The following MRAP variants were observed in gnomAD, a reference collection of about 807,000 sequenced individuals.
The protein encoded by MRAP is melanocortin 2 receptor accessory protein.
In MRAP, 8 loss-of-function variants were observed where a neutral mutation model predicts 8.7. The observed-to-expected ratio is 0.92, with a 90% confidence interval of 0.54 to 1.66. The LOEUF is 1.66. Among genes scored for constraint, MRAP ranks in the 40% most tolerant of loss-of-function variants. The probability of loss-of-function intolerance (pLI) is 0.00; values close to 1 mark genes in which losing one functional copy is unlikely to be tolerated. For missense variants in MRAP, 237 were observed against 217.1 expected, an observed-to-expected ratio of 1.09 and a Z score of -0.58; for synonymous variants, 95 against 95.5, an observed-to-expected ratio of 1.00 and a Z score of 0.03.
At chr21:32,300,773 T>C (rs1373480517) in intron 1 of MRAP, among the ~76,000 whole-genome samples, 4 of 146,498 alleles carry the variant, frequency 2.7e-5, no homozygotes, top group Non-Finnish European at 6.0e-5. Context: ...AGGGGCGTCA[T>C]GCCTCCTATG....
chr21:32,310,458 C>T (rs1238979864), intron 2 of MRAP, among the ~76,000 whole-genome samples: 4 of 152,122 alleles, frequency 2.6e-5, no homozygotes, highest in Admixed American at 2.0e-4. Flanking sequence ...GCGCTGTAAC[C>T]ACATTTAAGT....
chr21:32,292,493 G>T (rs186441110), intron 1 of MRAP, among the ~76,000 whole-genome samples: 1 of 152,088 alleles, frequency 6.6e-6, no homozygotes, highest in Admixed American at 6.5e-5. Context: ...GTCTTGCTCT[G>T]TCGTCCAGGT....
chr21:32,297,346 G>C (rs1035166884), upstream of MRAP, among the ~76,000 whole-genome samples: 4 of 152,130 alleles, frequency 2.6e-5, no homozygotes, highest in Admixed American at 2.0e-4. Flanking sequence ...TTTCATCAAT[G>C]GTGCCCACAT....
intron 1 of MRAP, among the ~76,000 whole-genome samples, chr21:32,292,036 A>G (rs749426410): frequency 6.6e-6 from 1 of 152,206 alleles, no homozygotes; most frequent in Non-Finnish European, 1.5e-5. Context: ...CTTGCTCCCA[A>G]TTTGAGCAAA....
At chr21:32,297,965 C>T (rs2032171091), upstream of MRAP, among the ~76,000 whole-genome samples, 1 of 152,174 alleles carries the variant, frequency 6.6e-6, no homozygotes, top group Non-Finnish European at 1.5e-5. Flanking sequence ...CAGGTTTACT[C>T]TGATACTGTA....
At chr21:32,302,053 G>A (rs1352992327) in intron 1 of MRAP, among the ~76,000 whole-genome samples, 1 of 152,174 alleles carries the variant, frequency 6.6e-6, no homozygotes, top group African/African-American at 2.4e-5. Context: ...TTCCATCAAG[G>A]TAGCACCAGG....
chr21:32,311,800 C>T lies in MRAP; in HGVS notation c.323C>T (p.Ala108Val), dbSNP rs552729042. The change falls in exon 3 of 3, where the codon GCG becomes GTG. Residue 108 changes from alanine to valine, a missense_variant. By Grantham distance (64) the Ala-to-Val change is moderately conservative. Transcript: ENST00000303645. ...REPLATSQAQ[A>V]SSVEPGSRTG... ...CCCCTGGCAACCTCACAGGCTCAGG[C>T]GAGCTCAGTGGAGCCAGGGAGCAGA... 20 of 1,614,062 alleles carry T rather than the reference C, an allele frequency of 1.2e-5. No individual in the cohort carries two copies. The highest frequency in any genetic ancestry group is 3.3e-4 in the Middle Eastern group (2 of 6,062).
chr21:32,294,566 A>G (rs113280444), upstream of MRAP, among the ~76,000 whole-genome samples: 2 of 152,068 alleles, frequency 1.3e-5, no homozygotes, highest in African/African-American at 4.8e-5. Flanking sequence ...TCTTTTTATT[A>G]TTGATGTATA....
intron 1 of MRAP, among the ~76,000 whole-genome samples, chr21:32,304,212 T>C (rs1165054141): frequency 6.6e-6 from 1 of 152,248 alleles, no homozygotes; most frequent in African/African-American, 2.4e-5. Context: ...TGACAGCATA[T>C]GCACTCTTTT....
At chr21:32,292,016 A>G (rs2032057953) in intron 1 of MRAP, among the ~76,000 whole-genome samples, 1 of 152,214 alleles carries the variant, frequency 6.6e-6, no homozygotes, top group African/African-American at 2.4e-5. Flanking sequence ...ATTGCAACAC[A>G]TGGCCCTTAC....
intron 1 of MRAP, among the ~76,000 whole-genome samples, chr21:32,304,974 T>TTG (rs2032378373): frequency 4.3e-5 from 3 of 70,172 alleles, no homozygotes; most frequent in East Asian, 3.5e-4. Context: ...TGTTTTTTTT[T>TTG]TTTTTTTTTT....
upstream of MRAP, among the ~76,000 whole-genome samples, chr21:32,294,867 C>G (rs890193490): frequency 1.3e-5 from 2 of 151,956 alleles, no homozygotes. Flanking sequence ...TTTCGTCTCT[C>G]TCAGTAACAT....
At chr21:32,311,286 T>G (rs2032561560) in intron 2 of MRAP, 1 of 194,416 alleles carries the variant, frequency 5.1e-6, no homozygotes, top group Non-Finnish European at 1.1e-5. Context: ...CAATTCAAGG[T>G]GAGATTTGTG....
intron 1 of MRAP, 48 bp downstream of exon 1, chr21:32,299,125 G>T: frequency 6.7e-7 from 1 of 1,488,582 alleles, no homozygotes; most frequent in South Asian, 1.1e-5. Flanking sequence ...GGGGGCCGGG[G>T]CCCAAATGAC....
rs564594808 is a variant in MRAP at position 32,311,951 on chromosome 21, C to T, written c.474C>T (p.Pro158=). The part of the protein sequence containing the change: ...LNGGPLVRSK[P]SEPPPGDRTS... ...GGGGTCCCCTCGTCAGGAGCAAGCC[C>T]AGCGAGCCTCCCCCTGGAGACAGGA... The change falls in exon 3 of 3, where the codon CCC becomes CCT. Residue 158 remains proline, a synonymous_variant. Coordinates refer to ENST00000303645, the MANE Select transcript of MRAP (RefSeq NM_001379228.1). 2 of 1,613,572 alleles carry T rather than the reference C, an allele frequency of 1.2e-6. No individual in the cohort carries two copies. The highest frequency in any genetic ancestry group is 1.7e-6 in the Non-Finnish European group (2 of 1,180,040).
At chr21:32,308,237 G>A (rs1307523840) in intron 2 of MRAP, among the ~76,000 whole-genome samples, 1 of 152,072 alleles carries the variant, frequency 6.6e-6, no homozygotes, top group African/African-American at 2.4e-5. Context: ...AATCAGCCAG[G>A]TGTGGTGGTG....
chr21:32,296,032 A>G (rs1234538663), upstream of MRAP, among the ~76,000 whole-genome samples: 1 of 152,114 alleles, frequency 6.6e-6, no homozygotes, highest in African/African-American at 2.4e-5. Context: ...TTTCCTCACA[A>G]TTCTGGAGGC....
intron 1 of MRAP, among the ~76,000 whole-genome samples, chr21:32,300,785 CG>C (rs2032267447): frequency 1.4e-5 from 2 of 142,054 alleles, no homozygotes; most frequent in Admixed American, 1.4e-4. Flanking sequence ...CCTCCTATGT[CG>C]GATGTGTCAT....
chr21:32,300,810 GGGGCGTC>G (rs1453370721), intron 1 of MRAP, among the ~76,000 whole-genome samples: 94 of 147,846 alleles, frequency 6.4e-4, no homozygotes, highest in Middle Eastern at 3.9e-3. Flanking sequence ...TCCTATGTCA[GGGGCGTC>G]ATGTGTCCTA....
Sources: allele counts gnomAD v4.1 joint callset (sites outside exome capture counted in the v4.1 genomes callset), GRCh38; gene constraint gnomAD v4.1.1; transcripts MANE v1.5; gene names NCBI Gene and HGNC (gene_info 2026-07-23, HGNC 2026-07-21).